The following NVL variants were observed in gnomAD, a reference collection of about 807,000 sequenced individuals.
NVL encodes nuclear valosin-containing protein-like.
A neutral mutation model predicts 110.2 loss-of-function variants in NVL; 84 were observed. The observed-to-expected ratio is 0.76, with a 90% CI of 0.64 to 0.91. NVL has a LOEUF of 0.91. Among genes scored for constraint, NVL ranks in the 40% least tolerant of loss-of-function variants. NVL has a pLI of 0.00. For missense variants in NVL, 882 were observed against 1,035.9 expected (o/e 0.85, Z 2.04); for synonymous variants, 354 against 361.1 (o/e 0.98, Z 0.22).
At chr1:224,234,614 T>C (rs1051078056) in intron 20 of NVL, among the ~76,000 whole-genome samples, 7 of 152,084 alleles carry the variant, frequency 4.6e-5, no homozygotes, top group African/African-American at 1.4e-4. Flanking sequence ...GCTTAAATTT[T>C]TAACTGAATC....
intron 22 of NVL, among the ~76,000 whole-genome samples, chr1:224,228,362 C>T (rs767248736): frequency 4.6e-5 from 7 of 151,920 alleles, no homozygotes; most frequent in Non-Finnish European, 8.8e-5. Context: ...TGGAATGCAG[C>T]GGTGCAATCT....
chr1:224,289,212 A>G (rs1050516855), intron 13 of NVL: 1 of 381,618 alleles, frequency 2.6e-6, no homozygotes, highest in African/African-American at 2.1e-5. Flanking sequence ...ATTTACAAAA[A>G]CACGTGGTGG....
intron 2 of NVL, among the ~76,000 whole-genome samples, chr1:224,325,579 C>T (rs938739671): frequency 3.9e-5 from 6 of 151,954 alleles, no homozygotes; most frequent in African/African-American, 1.5e-4. Context: ...ACTAAAAATA[C>T]AAAATTACCC....
At position 224,231,317 on chromosome 1, in the gene NVL, T is replaced by C. The variant is rs1302168679; in HGVS notation, c.2456-21A>G. On this transcript the variant is annotated intron_variant, in intron 21 of 22. Transcript: ENST00000281701. ...TTCACCTATGGAGTAAATGCACAAA[T>C]ATACACATCTCAGTATCGTATGGTA... is the stretch of plus-strand genomic sequence containing the variant. 2.6e-5 allele frequency: 41 copies of C among 1,586,380 alleles called. 1 individual carries two copies. Among genetic ancestry groups the C allele is most frequent in the Non-Finnish European group, 3.5e-5 (41 of 1,156,912 alleles).
chr1:224,316,422 G>C (rs1006296783), intron 4 of NVL, among the ~76,000 whole-genome samples: 1 of 151,878 alleles, frequency 6.6e-6, no homozygotes, highest in Non-Finnish European at 1.5e-5. Context: ...GCTGTGGCTC[G>C]CACCTATAAT....
rs571963590 is a variant in NVL, at chr1:224,250,252, G to A, written c.2249C>T (p.Pro750Leu). The A allele has an allele frequency of 1.9e-6, 3 of 1,609,948 alleles. No individual in the cohort carries two copies. The African/African-American group carries it at 4.0e-5, about 22-fold the overall frequency. The change falls in exon 19 of 23, where the codon CCC (proline) becomes CTC (leucine). Residue 750 changes from proline (P) to leucine (L), a missense_variant. By Grantham distance (98) the Pro-to-Leu change is moderately conservative. This residue lies in a region of NVL where 126 missense variants were observed against 140.7 expected (regional missense o/e 0.90). Transcript: ENST00000281701. Reference protein sequence around the residue: ...LDKTLFVGLPPPADRLAILKT... With the variant: ...LDKTLFVGLPLPADRLAILKT... The stretch of plus-strand genomic sequence containing the variant: ...TAAGATGGCAAGGCGATCTGCAGGG[G>A]GCGGTAAACCCACAAACAGTGTTTT...
intron 19 of NVL, among the ~76,000 whole-genome samples, chr1:224,249,059 C>CA (rs1662174918): frequency 6.6e-6 from 1 of 152,176 alleles, no homozygotes; most frequent in Non-Finnish European, 1.5e-5. Flanking sequence ...AATGTAGAAA[C>CA]AAAGCACTTC....
At chr1:224,327,415 C>A (rs551146319) in intron 1 of NVL, among the ~76,000 whole-genome samples, 26 of 151,920 alleles carry the variant, frequency 1.7e-4, no homozygotes, top group African/African-American at 5.3e-4. Flanking sequence ...TGCACTCCAG[C>A]CTGGGTGACA....
chr1:224,322,546 T>G (rs1016841982), intron 2 of NVL, among the ~76,000 whole-genome samples: 1 of 152,184 alleles, frequency 6.6e-6, no homozygotes, highest in Non-Finnish European at 1.5e-5. Flanking sequence ...ATAGTGCTAC[T>G]GTGACAAATA....
chr1:224,286,468 A>G (rs1666885155), intron 14 of NVL, among the ~76,000 whole-genome samples: 1 of 152,144 alleles, frequency 6.6e-6, no homozygotes, highest in African/African-American at 2.4e-5. Flanking sequence ...AGCCTCCCAA[A>G]GTGCTGGGAT....
chr1:224,287,308 G>A (rs955995668), intron 14 of NVL, among the ~76,000 whole-genome samples: 1 of 151,986 alleles, frequency 6.6e-6, no homozygotes, highest in African/African-American at 2.4e-5. Flanking sequence ...GTTGGTTAAC[G>A]GGTAAAAAAA....
chr1:224,228,253 G>A (rs951382840), intron 22 of NVL, among the ~76,000 whole-genome samples: 5 of 152,172 alleles, frequency 3.3e-5, no homozygotes, highest in Middle Eastern at 3.4e-3. Flanking sequence ...AGTGAAGAAA[G>A]CACAATTCTA....
intron 19 of NVL, among the ~76,000 whole-genome samples, chr1:224,237,961 CAAAAAA>C (rs200152434): frequency 7.4e-6 from 1 of 135,746 alleles, no homozygotes; most frequent in African/African-American, 2.9e-5. Flanking sequence ...GACTTGGTTT[CAAAAAA>C]AAAAAAAAAA....
chr1:224,271,177 C>G (rs1242902804), intron 17 of NVL, among the ~76,000 whole-genome samples: 2 of 152,070 alleles, frequency 1.3e-5, no homozygotes, highest in Non-Finnish European at 2.9e-5. Context: ...ATGAGAAAGT[C>G]ATCAAGACAG....
chr1:224,256,911 A>G (rs1247413373), intron 18 of NVL: 1 of 437,750 alleles, frequency 2.3e-6, no homozygotes, highest in Non-Finnish European at 4.6e-6. Flanking sequence ...CCTATGACAC[A>G]ATATATTCAG....
At chr1:224,324,837 T>C (rs57704732) in intron 2 of NVL, among the ~76,000 whole-genome samples, 18,311 of 152,236 alleles carry the variant, frequency 0.12, 1,638 homozygotes, top group East Asian at 0.44. Flanking sequence ...GAGAAGGCCA[T>C]GAATTTTGGG....
chr1:224,243,186 T>G (rs559123399), intron 19 of NVL, among the ~76,000 whole-genome samples: 26 of 151,604 alleles, frequency 1.7e-4, no homozygotes, highest in Non-Finnish European at 2.7e-4. Flanking sequence ...AAGGGCCGGG[T>G]GTAGTGGCTC....
chr1:224,321,353 G>T (rs1345883380), intron 2 of NVL, among the ~76,000 whole-genome samples: 1 of 152,190 alleles, frequency 6.6e-6, no homozygotes, highest in Non-Finnish European at 1.5e-5. Context: ...GGCAGGAACT[G>T]GTTTGAGGGC....
At position 224,308,276 on chromosome 1, in the gene NVL, TAAAAC is replaced by T. The variant is rs1312952293; in HGVS notation, c.343-18_343-14del. ...TGTGATTTGCTGACTGGCAGAAAGA[TAAAAC>T]AAAATTGTAGCATAAATTACTCAAC... On this transcript the variant is annotated splice_polypyrimidine_tract_variant and intron_variant, in intron 5 of 22. Coordinates refer to ENST00000281701, the MANE Select transcript of NVL (RefSeq NM_002533.4). 3 of 1,585,408 alleles carry T rather than the reference TAAAAC, an allele frequency of 1.9e-6. No homozygotes were observed. Among genetic ancestry groups the T allele is most frequent in the Non-Finnish European group, 2.6e-6 (3 of 1,167,992 alleles).
Sources: gnomAD v4.1 joint callset for allele counts (sites outside exome capture counted in the v4.1 genomes callset) on GRCh38, gnomAD v4.1.1 for gene constraint, gnomAD v4.1.1 regional missense constraint, MANE v1.5 for transcripts, NCBI Gene and HGNC (gene_info 2026-07-23, HGNC 2026-07-21) for gene names.